The following COL4A4 variants were observed in gnomAD, a reference collection of about 807,000 sequenced individuals.
The protein encoded by COL4A4 is collagen alpha-4(IV) chain.
Under a neutral mutation model 192.9 loss-of-function variants are expected in COL4A4, and 105 were observed. The observed-to-expected ratio is 0.54, with a 90% CI of 0.46 to 0.64. The LOEUF (loss-of-function observed/expected upper bound fraction) is 0.64. COL4A4 is among the 30% of genes least tolerant of loss of function. The pLI is 0.00. For synonymous variants in COL4A4, 762 were observed against 769.9 expected, an observed-to-expected ratio of 0.99 and a Z score of 0.17; for missense variants, 1,967 against 2,169.3, an observed-to-expected ratio of 0.91 and a Z score of 1.85.
Position 227,157,947 on chromosome 2 carries a change from A to G in COL4A4, c.-102+6060T>C, listed in dbSNP as rs143053444. Among the ~76,000 whole-genome samples the G allele has an allele frequency of 3.4e-3, 516 of 152,240 alleles. 1 individual carries two copies. The highest frequency in any genetic ancestry group is 0.012 in the African/African-American group (484 of 41,566). On this transcript the variant is annotated intron_variant, in intron 1 of 47. Coordinates refer to ENST00000396625, the MANE Select transcript of COL4A4 (RefSeq NM_000092.5). The stretch of plus-strand genomic sequence containing the variant: ...TTCAGATACCAAAACTGACAAAGAT[A>G]TTACAGGAAAACTACAGAACAATAT...
Position 227,003,207 on chromosome 2 carries a change from AATC to A in COL4A4, c.*4115_*4117del, listed in dbSNP as rs1246401471. 1.3e-5 allele frequency: 2 copies of A among 152,222 alleles called. No homozygotes were observed. Among genetic ancestry groups the A allele is most frequent in the Non-Finnish European group, 2.9e-5 (2 of 68,042 alleles). The allele number at this position is 152,222 out of a possible 1,614,324, so 9.4% of individuals were successfully genotyped here. On this transcript the variant is annotated 3_prime_UTR_variant, in exon 48 of 48. Transcript: ENST00000396625. Reference sequence around the variant, plus strand: ...ATCAGTAATTTATATACCCTGTGAGAATCATAATTCTGTGTAAAAAAAAAGAAA... The same window carrying A: ...ATCAGTAATTTATATACCCTGTGAGAATAATTCTGTGTAAAAAAAAAGAAA...
intron 15 of COL4A4, among the ~76,000 whole-genome samples, 154 bp from the exon 16 acceptor site, chr2:227,102,063 T>C (rs1383981827): frequency 2.0e-4 from 31 of 152,228 alleles, no homozygotes; most frequent in Admixed American, 2.0e-3. Context: ...TAAAATAGAT[T>C]CCATTTCTTT....
chr2:227,055,965 G>A lies in COL4A4; in HGVS notation c.2696C>T (p.Pro899Leu), dbSNP rs957909859. 1 of 1,614,024 alleles carries A rather than the reference G, an allele frequency of 6.2e-7. No individual in the cohort carries two copies. Among genetic ancestry groups the A allele is most frequent in the Non-Finnish European group, 8.5e-7 (1 of 1,179,982 alleles). The change falls in exon 30 of 48, where the codon CCT (proline) becomes CTT (leucine). Residue 899 changes from proline (P) to leucine (L), a missense_variant. Coordinates refer to ENST00000396625, the MANE Select transcript of COL4A4 (RefSeq NM_000092.5). ...IPGPFGDDGL[P>L]GPPGPKGPRG... ...CCTACCCTTTGGACCTGGAGGACCA[G>A]GTAGCCCATCATCTCCAAAGGGACC...
chr2:227,134,035 G>T (rs898606743), intron 4 of COL4A4, among the ~76,000 whole-genome samples: 3 of 152,150 alleles, frequency 2.0e-5, no homozygotes, highest in Non-Finnish European at 2.9e-5. Context: ...CTTGACACAG[G>T]GGGGACACTT....
At chr2:226,979,493 CT>C in the COL4A4 span, among the ~76,000 whole-genome samples, 1 of 152,310 alleles carries the variant, frequency 6.6e-6, no homozygotes, top group Admixed American at 6.5e-5. Context: ...CCACCCCATC[CT>C]CCCATTGCAC....
At chr2:226,984,388 T>C in the COL4A4 span, among the ~76,000 whole-genome samples, 1 of 152,230 alleles carries the variant, frequency 6.6e-6, no homozygotes, top group Non-Finnish European at 1.5e-5. Flanking sequence ...CTTCTCACTG[T>C]GACCTCACAT....
intron 40 of COL4A4, among the ~76,000 whole-genome samples, chr2:227,031,088 T>C (rs993259558): frequency 6.7e-6 from 1 of 148,346 alleles, no homozygotes; most frequent in Admixed American, 6.7e-5. Context: ...GATGGACAGA[T>C]AGACAGGCAT....
At chr2:227,111,148 A>G (rs1017987038) in intron 9 of COL4A4, among the ~76,000 whole-genome samples, 2 of 152,230 alleles carry the variant, frequency 1.3e-5, no homozygotes, top group African/African-American at 4.8e-5. Flanking sequence ...CACTATGAAT[A>G]CTCAAATTGT....
chr2:227,162,893 T>C (rs1206278206), intron 1 of COL4A4, among the ~76,000 whole-genome samples: 1 of 152,262 alleles, frequency 6.6e-6, no homozygotes, highest in Non-Finnish European at 1.5e-5. Context: ...AGATTCATGC[T>C]ATAGTCAAAA....
chr2:227,025,909 T>G, intron 42 of COL4A4, 99 bp from the exon 43 acceptor site: 13 of 1,057,374 alleles, frequency 1.2e-5, no homozygotes, highest in South Asian at 1.1e-4. Flanking sequence ...TGAAATAGAT[T>G]AAGAACATAC....
chr2:227,013,424 T>A (rs1402505910), intron 44 of COL4A4, among the ~76,000 whole-genome samples: 1 of 152,110 alleles, frequency 6.6e-6, no homozygotes, highest in Admixed American at 6.5e-5. Flanking sequence ...GTGATTCTGT[T>A]AAAATGAGCC....
chr2:226,974,526 C>T, the COL4A4 span, among the ~76,000 whole-genome samples: 21 of 152,178 alleles, frequency 1.4e-4, no homozygotes, highest in Non-Finnish European at 2.8e-4. Flanking sequence ...CGTGAGCCAC[C>T]GTGCCCGGCC....
chr2:227,125,828 C>T (rs769435955), intron 4 of COL4A4, among the ~76,000 whole-genome samples: 2 of 152,174 alleles, frequency 1.3e-5, no homozygotes, highest in South Asian at 2.1e-4. Context: ...CACTCTCACC[C>T]GTGACTATCA....
At chr2:227,103,249 G>A in intron 13 of COL4A4, 52 bp from the exon 14 acceptor site, 1 of 1,312,002 alleles carries the variant, frequency 7.6e-7, no homozygotes, top group East Asian at 2.3e-5. Context: ...TTAACATACT[G>A]AATTCCATCT....
intron 43 of COL4A4, among the ~76,000 whole-genome samples, chr2:227,023,441 CAAAAAAAAAAAAAAGA>C (rs1410802762): frequency 1.6e-5 from 2 of 124,316 alleles, no homozygotes; most frequent in Non-Finnish European, 3.4e-5. Context: ...GATTCCATCT[CAAAAAAAAAAAAAAGA>C]AAAAAGAAAA....
intron 1 of COL4A4, among the ~76,000 whole-genome samples, chr2:227,148,840 C>CT (rs567170955): frequency 0.059 from 8,169 of 139,264 alleles, 660 homozygotes; most frequent in African/African-American, 0.18. Flanking sequence ...ATGTTACCAA[C>CT]TTTTTTTTTT....
At chr2:227,141,465 T>C (rs1258206037) in intron 3 of COL4A4, among the ~76,000 whole-genome samples, 1 of 152,220 alleles carries the variant, frequency 6.6e-6, no homozygotes, top group Admixed American at 6.5e-5. Context: ...CGTATACATA[T>C]ATATGAACAG....
At chr2:227,122,985 C>T (rs542395806) in intron 4 of COL4A4, among the ~76,000 whole-genome samples, 1 of 152,274 alleles carries the variant, frequency 6.6e-6, no homozygotes, top group South Asian at 2.1e-4. Flanking sequence ...CCACCTCAGC[C>T]TCCCAAGTAG....
At chr2:227,047,731 C>CCACACACACACA (rs71036155) in intron 34 of COL4A4, among the ~76,000 whole-genome samples, 182 bp from the exon 35 acceptor site, 18,455 of 146,126 alleles carry the variant, frequency 0.13, 1,239 homozygotes, top group South Asian at 0.21. Flanking sequence ...AATTTACATA[C>CCACACACACACA]CACACACACA....
Sources: allele counts gnomAD v4.1 joint callset (sites outside exome capture counted in the v4.1 genomes callset), GRCh38; gene constraint gnomAD v4.1.1; transcripts MANE v1.5; gene names NCBI Gene and HGNC (gene_info 2026-07-23, HGNC 2026-07-21).